Variants in CPAP observed in about 807,000 individuals in gnomAD.
CPAP encodes the protein centrosomal P4.1-associated protein.
chr13:24,892,791 C>T, the CPAP span: 13 of 1,613,612 alleles, frequency 8.1e-6, no homozygotes, highest in African/African-American at 1.3e-4. Context: ...GCTTCTGAGA[C>T]GGCTGTGTGT....
At chr13:24,902,850 T>G in the CPAP span, among the ~76,000 whole-genome samples, 1 of 152,156 alleles carries the variant, frequency 6.6e-6, no homozygotes, top group Non-Finnish European at 1.5e-5. Context: ...TACCATCCCC[T>G]AGATCCCATC....
chr13:24,901,281 A>G, the CPAP span, among the ~76,000 whole-genome samples: 4 of 152,260 alleles, frequency 2.6e-5, no homozygotes, highest in East Asian at 7.7e-4. Context: ...GATCACAAAG[A>G]AAGTTACAAA....
At chr13:24,906,552 T>C in the CPAP span, 2 of 1,614,214 alleles carry the variant, frequency 1.2e-6, no homozygotes, top group Non-Finnish European at 1.7e-6. Flanking sequence ...TTATTAGATG[T>C]GACTTTGTTT....
chr13:24,885,680 TA>T, the CPAP span: 2 of 1,604,778 alleles, frequency 1.2e-6, no homozygotes, highest in Non-Finnish European at 1.7e-6. Flanking sequence ...CCTATTAGAA[TA>T]AAATTGTCAA....
chr13:24,882,901 A>G, the CPAP span: 11 of 432,298 alleles, frequency 2.5e-5, no homozygotes, highest in African/African-American at 1.6e-4. Flanking sequence ...TTTCTAACCA[A>G]TAAACACACC....
the CPAP span, among the ~76,000 whole-genome samples, chr13:24,888,459 A>G: frequency 2.0e-5 from 3 of 152,226 alleles, no homozygotes; most frequent in Non-Finnish European, 4.4e-5. Context: ...GTAAGAAAAC[A>G]TGCTCACAGG....
chr13:24,885,555 T>C, the CPAP span: 1 of 1,402,490 alleles, frequency 7.1e-7, no homozygotes, highest in African/African-American at 1.4e-5. Flanking sequence ...ACAAATTGAT[T>C]TCAAGCCTAA....
chr13:24,923,110 C>T, the CPAP span, among the ~76,000 whole-genome samples: 1 of 152,216 alleles, frequency 6.6e-6, no homozygotes. Context: ...TCGCCCCAGG[C>T]TCCCACACTT....
the CPAP span, chr13:24,883,221 C>T: frequency 5.6e-6 from 9 of 1,614,092 alleles, no homozygotes; most frequent in East Asian, 1.8e-4. Context: ...TTGTCCTTAA[C>T]TCTTATCCGA....
At chr13:24,883,964 G>A in the CPAP span, 15 of 1,613,938 alleles carry the variant, frequency 9.3e-6, no homozygotes, top group African/African-American at 8.0e-5. Flanking sequence ...TTGCCATACC[G>A]TTGTACTCTG....
the CPAP span, chr13:24,884,430 T>C: frequency 6.2e-7 from 1 of 1,614,136 alleles, no homozygotes; most frequent in South Asian, 1.1e-5. Context: ...GGAAACAGTA[T>C]AACACGGCAC....
the CPAP span, among the ~76,000 whole-genome samples, chr13:24,923,983 C>T: frequency 6.6e-6 from 1 of 152,150 alleles, no homozygotes. Flanking sequence ...CGCCCGCCAC[C>T]ACGCCTGGCT....
the CPAP span, among the ~76,000 whole-genome samples, chr13:24,915,676 G>A: frequency 5.9e-5 from 9 of 152,018 alleles, no homozygotes; most frequent in Admixed American, 2.0e-4. Flanking sequence ...GTGGTGGCGG[G>A]AGCCTGTAAT....
the CPAP span, among the ~76,000 whole-genome samples, chr13:24,892,041 C>T: frequency 2.0e-5 from 3 of 152,200 alleles, no homozygotes; most frequent in Non-Finnish European, 4.4e-5. Context: ...ACACACCACA[C>T]GTTTTATTAT....
At chr13:24,883,438 C>T in the CPAP span, 1 of 1,290,580 alleles carries the variant, frequency 7.7e-7, no homozygotes, top group Non-Finnish European at 1.1e-6. Flanking sequence ...AGAAAAACTA[C>T]TGAAAAGTAG....
chr13:24,927,385 C>G, the CPAP span, among the ~76,000 whole-genome samples: 1 of 152,290 alleles, frequency 6.6e-6, no homozygotes, highest in African/African-American at 2.4e-5. Context: ...AACCAGCAGA[C>G]AGCCCTTGGA....
the CPAP span, among the ~76,000 whole-genome samples, chr13:24,898,158 A>G: frequency 6.6e-6 from 1 of 152,132 alleles, no homozygotes. Flanking sequence ...GGCTTCCCAA[A>G]GTGTTGGGAT....
chr13:24,898,925 C>T, the CPAP span, among the ~76,000 whole-genome samples: 12 of 152,206 alleles, frequency 7.9e-5, no homozygotes, highest in East Asian at 1.7e-3. Context: ...ATGCCAATGT[C>T]GTAAATAAAT....
chr13:24,912,347 C>G, the CPAP span, among the ~76,000 whole-genome samples: 1 of 152,130 alleles, frequency 6.6e-6, no homozygotes, highest in African/African-American at 2.4e-5. Flanking sequence ...ATTTTTTCCC[C>G]TAATACTTGA....
Sources: allele counts gnomAD v4.1 joint callset (sites outside exome capture counted in the v4.1 genomes callset), GRCh38; gene constraint gnomAD v4.1.1; transcripts MANE v1.5; gene names NCBI Gene and HGNC (gene_info 2026-07-23, HGNC 2026-07-21).